Variants in SLC24A3 observed in about 807,000 individuals in gnomAD.
SLC24A3 encodes the protein sodium/potassium/calcium exchanger 3.
A neutral mutation model predicts 75.8 loss-of-function variants in SLC24A3; 28 were observed. The ratio of observed to expected loss-of-function variants is 0.37; its 90% CI spans 0.27 to 0.51. SLC24A3 has a LOEUF of 0.51. Among genes scored for constraint, SLC24A3 ranks in the 20% least tolerant of loss-of-function variants. The pLI is 0.94. For missense variants in SLC24A3, 663 were observed against 847.8 expected (o/e 0.78, Z 2.71); for synonymous variants, 372 against 334.1 (o/e 1.11, Z -1.24).
At chr20:19,218,396 CAAG>C (rs1263221451) in intron 1 of SLC24A3, among the ~76,000 whole-genome samples, 1 of 152,162 alleles carries the variant, frequency 6.6e-6, no homozygotes, top group Non-Finnish European at 1.5e-5. Context: ...GATTTGAACC[CAAG>C]TCCACCTACA....
In SLC24A3 at chr20:19,615,640, T is replaced by C. The variant is rs533836738; in HGVS notation, c.612+30096T>C. ...GCTAAACCATTCATGAGAAATCCAC[T>C]CCCATGTTCCAATCAGCTACCAGCA... On this transcript the variant is annotated intron_variant, in intron 6 of 16. Coordinates refer to ENST00000328041, the MANE Select transcript of SLC24A3 (RefSeq NM_020689.4). Among the ~76,000 whole-genome samples, 3 of 152,230 alleles carry C rather than the reference T, an allele frequency of 2.0e-5. No individual in the cohort carries two copies. In the East Asian group the frequency reaches 5.8e-4, roughly 29 times the overall value.
At chr20:19,391,417 A>G (rs1173117967) in intron 2 of SLC24A3, among the ~76,000 whole-genome samples, 1 of 152,150 alleles carries the variant, frequency 6.6e-6, no homozygotes, top group Non-Finnish European at 1.5e-5. Flanking sequence ...GGCTTTTCAG[A>G]TCTCCAAGGT....
chr20:19,358,301 G>T (rs1036743442), intron 2 of SLC24A3, among the ~76,000 whole-genome samples: 2 of 152,094 alleles, frequency 1.3e-5, no homozygotes, highest in African/African-American at 4.8e-5. Context: ...TCTAAGATTG[G>T]ACTCAACATC....
At chr20:19,575,950 A>G (rs1164953175) in intron 3 of SLC24A3, among the ~76,000 whole-genome samples, 3 of 152,088 alleles carry the variant, frequency 2.0e-5, no homozygotes, top group Admixed American at 6.5e-5. Context: ...ACCAGAAATG[A>G]TCTTTATACA....
chr20:19,293,202 G>A (rs778339972), intron 2 of SLC24A3, among the ~76,000 whole-genome samples: 8 of 152,056 alleles, frequency 5.3e-5, no homozygotes, highest in Non-Finnish European at 1.2e-4. Flanking sequence ...CAAATACTAG[G>A]CCAATTTATT....
At position 19,511,233 on chromosome 20, in the gene SLC24A3, G is replaced by T. The variant is rs547849245; in HGVS notation, c.272-4255G>T. On this transcript the variant is annotated intron_variant, in intron 2 of 16. Coordinates refer to ENST00000328041, the MANE Select transcript of SLC24A3 (RefSeq NM_020689.4). The stretch of plus-strand genomic sequence containing the variant: ...CTGTCATTCAAATCTTTCTCTCAGG[G>T]TCTGCTCTTGAGGGCCCCAGCCTAA... Among the ~76,000 whole-genome samples the T allele has an allele frequency of 7.9e-5, 12 of 152,152 alleles. No individual in the cohort carries two copies. In the East Asian group the frequency reaches 2.1e-3, roughly 27 times the overall value.
intron 2 of SLC24A3, among the ~76,000 whole-genome samples, chr20:19,357,925 T>C (rs6075502): frequency 0.33 from 50,118 of 152,164 alleles, 9,189 homozygotes; most frequent in Middle Eastern, 0.54. Context: ...GATTTTGATA[T>C]TGAGTTTTTG....
At chr20:19,352,563 G>A (rs1032474258) in intron 2 of SLC24A3, among the ~76,000 whole-genome samples, 3 of 152,272 alleles carry the variant, frequency 2.0e-5, no homozygotes, top group East Asian at 3.9e-4. Context: ...AAGACTCTGA[G>A]CCTCAGGGAT....
At chr20:19,424,305 A>G (rs1986963465) in intron 2 of SLC24A3, among the ~76,000 whole-genome samples, 1 of 152,090 alleles carries the variant, frequency 6.6e-6, no homozygotes, top group Admixed American at 6.5e-5. Flanking sequence ...TGGATTCCCA[A>G]CTTGTTAACA....
At chr20:19,639,820 G>C (rs891342294) in intron 6 of SLC24A3, among the ~76,000 whole-genome samples, 1 of 152,226 alleles carries the variant, frequency 6.6e-6, no homozygotes, top group Non-Finnish European at 1.5e-5. Flanking sequence ...CAGCAGCGCC[G>C]GTGGGCTGGC....
chr20:19,493,158 A>G (rs1011170372), intron 2 of SLC24A3, among the ~76,000 whole-genome samples: 1 of 152,182 alleles, frequency 6.6e-6, no homozygotes, highest in Non-Finnish European at 1.5e-5. Flanking sequence ...GACCAGCTGG[A>G]TGGGGAAGCA....
chr20:19,476,966 C>T (rs530214981), intron 2 of SLC24A3, among the ~76,000 whole-genome samples: 1 of 152,108 alleles, frequency 6.6e-6, no homozygotes, highest in East Asian at 1.9e-4. Flanking sequence ...GGTAAGGGCT[C>T]GTTTTTCTTG....
At chr20:19,531,224 T>A (rs2030293019) in intron 3 of SLC24A3, among the ~76,000 whole-genome samples, 1 of 152,168 alleles carries the variant, frequency 6.6e-6, no homozygotes, top group South Asian at 2.1e-4. Flanking sequence ...CAGTCACAAA[T>A]GGACCCAGAA....
chr20:19,720,497 G>C (rs1355959999), intron 16 of SLC24A3, among the ~76,000 whole-genome samples: 1 of 151,994 alleles, frequency 6.6e-6, no homozygotes, highest in Non-Finnish European at 1.5e-5. Context: ...TTTTAGGGAG[G>C]AGAGAAGGAA....
chr20:19,466,724 C>G (rs892737897), intron 2 of SLC24A3, among the ~76,000 whole-genome samples: 6 of 146,800 alleles, frequency 4.1e-5, no homozygotes, highest in Admixed American at 4.0e-4. Context: ...ATGCTATTCT[C>G]CTAGCACACT....
intron 6 of SLC24A3, among the ~76,000 whole-genome samples, chr20:19,651,258 TTTGA>T (rs1156977234): frequency 2.6e-5 from 4 of 151,550 alleles, no homozygotes; most frequent in East Asian, 3.9e-4. Context: ...TAATTAATAA[TTTGA>T]TTGGGCATAG....
intron 2 of SLC24A3, among the ~76,000 whole-genome samples, chr20:19,492,232 A>G (rs1329126729): frequency 2.6e-5 from 4 of 152,226 alleles, no homozygotes; most frequent in African/African-American, 9.6e-5. Flanking sequence ...TGCTTGCTTT[A>G]GAGTACTCAG....
chr20:19,364,342 C>G (rs887336515), intron 2 of SLC24A3, among the ~76,000 whole-genome samples: 8 of 152,116 alleles, frequency 5.3e-5, no homozygotes, highest in African/African-American at 1.9e-4. Flanking sequence ...CAAAGATGGA[C>G]TGAACTGGGA....
intron 2 of SLC24A3, among the ~76,000 whole-genome samples, chr20:19,452,308 A>G (rs753952326): frequency 6.6e-6 from 1 of 151,658 alleles, no homozygotes; most frequent in Non-Finnish European, 1.5e-5. Flanking sequence ...TGTCCTAATT[A>G]TTACAACTTG....
Sources: gnomAD v4.1 joint callset for allele counts (sites outside exome capture counted in the v4.1 genomes callset) on GRCh38, gnomAD v4.1.1 for gene constraint, MANE v1.5 for transcripts, NCBI Gene and HGNC (gene_info 2026-07-23, HGNC 2026-07-21) for gene names.